SGMS1: variants seen among roughly 807,000 people sequenced by gnomAD.
The protein encoded by SGMS1 is sphingomyelin synthase 1.
SGMS1 carries 13 observed loss-of-function variants against 46.2 expected under a neutral mutation model. The ratio of observed to expected loss-of-function variants is 0.28; its 90% confidence interval spans 0.18 to 0.45. The LOEUF (loss-of-function observed/expected upper bound fraction) is 0.45, where lower values mean the gene tolerates loss of function less well. SGMS1 is among the 20% of genes least tolerant of loss of function. The probability of loss-of-function intolerance (pLI) is 1.00; values close to 1 mark genes in which losing one functional copy is unlikely to be tolerated. For missense variants in SGMS1, 324 were observed against 519.9 expected (o/e 0.62, Z 3.66); for synonymous variants, 203 against 187.8 (o/e 1.08, Z -0.66).
intron 6 of SGMS1, among the ~76,000 whole-genome samples, chr10:50,430,228 CA>C (rs1391636118): frequency 1.3e-5 from 2 of 152,012 alleles, no homozygotes; most frequent in Non-Finnish European, 2.9e-5. Context: ...GCACACTTTA[CA>C]AAAATGAAAA....
intron 6 of SGMS1, among the ~76,000 whole-genome samples, chr10:50,378,433 G>T (rs563186965): frequency 3.0e-4 from 46 of 152,296 alleles, no homozygotes; most frequent in African/African-American, 1.1e-3. Context: ...CATCTAACCT[G>T]AAAAATGTAG....
chr10:50,476,782 G>T (rs1321291579), intron 3 of SGMS1, among the ~76,000 whole-genome samples: 4 of 152,250 alleles, frequency 2.6e-5, no homozygotes, highest in Non-Finnish European at 4.4e-5. Context: ...CTGCTCCAGA[G>T]GGTGCAAGCC....
chr10:50,620,128 G>C (rs1181234997), intron 1 of SGMS1, among the ~76,000 whole-genome samples: 1 of 152,126 alleles, frequency 6.6e-6, no homozygotes, highest in Non-Finnish European at 1.5e-5. Flanking sequence ...TACCTTCCTG[G>C]GGCTCCGCCC....
chr10:50,469,824 G>A (rs903890127), intron 3 of SGMS1, among the ~76,000 whole-genome samples: 1 of 152,196 alleles, frequency 6.6e-6, no homozygotes, highest in African/African-American at 2.4e-5. Context: ...GGGTAAAAAG[G>A]AATGGGCATA....
intron 2 of SGMS1, among the ~76,000 whole-genome samples, chr10:50,568,782 C>A (rs1245033509): frequency 6.6e-6 from 1 of 152,116 alleles, no homozygotes; most frequent in African/African-American, 2.4e-5. Context: ...TACAGTACAC[C>A]AACGTGTCAT....
At chr10:50,374,735 C>T (rs1349420668) in intron 6 of SGMS1, among the ~76,000 whole-genome samples, 1 of 152,134 alleles carries the variant, frequency 6.6e-6, no homozygotes, top group Non-Finnish European at 1.5e-5. Context: ...CTTGCCCATT[C>T]TCACTTCAAC....
rs555429203 is a variant in SGMS1, at chr10:50,330,206, C to A, written c.624-2884G>T. 6.6e-5 allele frequency among the ~76,000 whole-genome samples: 10 copies of A among 152,224 alleles called. No individual in the cohort carries two copies. The South Asian group carries it at 1.7e-3, about 25-fold the overall frequency. ...TGGTGACTCACGCCTGTAATCCCAG[C>A]ACTTTGGGAGGCTGAGGCAGGTGGA... is the stretch of plus-strand genomic sequence containing the variant. On this transcript the variant is annotated intron_variant, in intron 7 of 10. Transcript: ENST00000361781.
At chr10:50,421,225 T>C (rs1011174551) in intron 6 of SGMS1, among the ~76,000 whole-genome samples, 2 of 152,176 alleles carry the variant, frequency 1.3e-5, no homozygotes, top group Non-Finnish European at 2.9e-5. Flanking sequence ...CCTCTACCTC[T>C]GCAACCCCGA....
At chr10:50,539,231 C>T (rs183355381) in intron 2 of SGMS1, among the ~76,000 whole-genome samples, 3 of 152,174 alleles carry the variant, frequency 2.0e-5, no homozygotes, top group Non-Finnish European at 4.4e-5. Context: ...TTCCTTCCCG[C>T]CTGTGTCAGC....
chr10:50,307,009 G>A lies in SGMS1; in HGVS notation c.*133C>T. 1.1e-6 allele frequency: 1 copy of A among 873,868 alleles called. No individual in the cohort carries two copies. Among genetic ancestry groups the A allele is most frequent in the Non-Finnish European group, 1.7e-6 (1 of 586,170 alleles). 54.1% of individuals were successfully genotyped at this position (873,868 alleles called of 1,614,324 possible). On this transcript the variant is annotated 3_prime_UTR_variant, in exon 11 of 11. Coordinates refer to ENST00000361781, the MANE Select transcript of SGMS1 (RefSeq NM_147156.4). The surrounding 1 kb of genome is among the most constrained non-coding windows in gnomAD (Gnocchi z 4.2). ...AAAAAAAGATCACAGTGCTGACCAG[G>A]TAACTCAATAGGTTAAGTCAAGGTA...
In SGMS1 at chr10:50,308,218, A is replaced by T. The variant is rs977517750; in HGVS notation, c.896-70T>A. 7.8e-5 allele frequency: 107 copies of T among 1,377,338 alleles called. 2 individuals carry two copies. Among genetic ancestry groups the T allele is most frequent in the Non-Finnish European group, 1.5e-5 (15 of 1,004,034 alleles). The allele number at this position is 1,377,338 out of a possible 1,614,324, so 85.3% of individuals were successfully genotyped here. On this transcript the variant is annotated intron_variant, in intron 9 of 10. Coordinates refer to ENST00000361781, the MANE Select transcript of SGMS1 (RefSeq NM_147156.4). ...ATTAAGGGCACCCAACTATGCCTCT[A>T]CTAATGCTTCTGAATCCAATTACCT...
At chr10:50,614,135 G>C (rs1053638443) in intron 1 of SGMS1, among the ~76,000 whole-genome samples, 9 of 150,584 alleles carry the variant, frequency 6.0e-5, no homozygotes, top group Non-Finnish European at 1.0e-4. Context: ...GCCAATGGAA[G>C]GGGGAATGAA....
chr10:50,520,087 T>G (rs1296325487), intron 2 of SGMS1, among the ~76,000 whole-genome samples, 166 bp from the exon 3 acceptor site: 1 of 152,122 alleles, frequency 6.6e-6, no homozygotes. Flanking sequence ...CTAAGCCATT[T>G]TAACTAAAAC....
chr10:50,572,174 T>C (rs531922791), intron 2 of SGMS1, among the ~76,000 whole-genome samples: 25 of 152,318 alleles, frequency 1.6e-4, no homozygotes, highest in African/African-American at 5.8e-4. Context: ...GTTGTGTCCC[T>C]TCTTCTAGGC....
chr10:50,448,742 CAAAAAAAAAA>C (rs35580756), intron 5 of SGMS1, among the ~76,000 whole-genome samples: 8 of 58,736 alleles, frequency 1.4e-4, no homozygotes, highest in South Asian at 5.2e-4. Context: ...GAAACTCCGC[CAAAAAAAAAA>C]AAAAAAAAAG....
At chr10:50,476,520 G>T (rs895953098) in intron 3 of SGMS1, among the ~76,000 whole-genome samples, 1 of 152,186 alleles carries the variant, frequency 6.6e-6, no homozygotes, top group Non-Finnish European at 1.5e-5. Flanking sequence ...CAAGCCAGCT[G>T]CAGAAATTTG....
chr10:50,494,914 T>C (rs1047445050), intron 3 of SGMS1, among the ~76,000 whole-genome samples: 2 of 151,192 alleles, frequency 1.3e-5, no homozygotes, highest in African/African-American at 4.9e-5. Flanking sequence ...CGGGCACCTG[T>C]AGTCCCAGCT....
At chr10:50,624,745 A>T, upstream of SGMS1, 3 of 985,394 alleles carry the variant, frequency 3.0e-6, no homozygotes, top group Non-Finnish European at 3.6e-6. Context: ...GCGAAGCCCC[A>T]GCGCCCAAGT....
intron 4 of SGMS1, among the ~76,000 whole-genome samples, chr10:50,463,054 T>C (rs1837284566): frequency 6.6e-6 from 1 of 151,760 alleles, no homozygotes; most frequent in Non-Finnish European, 1.5e-5. Context: ...AATTAAGACC[T>C]GAAACTATAA....
Sources: gnomAD v4.1 joint callset for allele counts (sites outside exome capture counted in the v4.1 genomes callset) on GRCh38, gnomAD v4.1.1 for gene constraint, Gnocchi (gnomAD v3.1) non-coding constraint, MANE v1.5 for transcripts, NCBI Gene and HGNC (gene_info 2026-07-23, HGNC 2026-07-21) for gene names.